Variants in TUBGCP5 observed in about 807,000 individuals in gnomAD.
TUBGCP5 encodes tubulin gamma complex component 5.
Under a neutral mutation model 134.7 loss-of-function variants are expected in TUBGCP5, and 98 were observed. The observed-to-expected ratio is 0.73, with a 90% CI of 0.62 to 0.86. The LOEUF is 0.86. TUBGCP5 is among the 40% of genes least tolerant of loss of function. The pLI is 0.00. For missense variants in TUBGCP5, 1,150 were observed against 1,244.8 expected (o/e 0.92, Z 1.15); for synonymous variants, 456 against 431.4 (o/e 1.06, Z -0.71).
At chr15:23,007,876 C>T (rs1175939336) in intron 16 of TUBGCP5, among the ~76,000 whole-genome samples, 5 of 151,992 alleles carry the variant, frequency 3.3e-5, no homozygotes, top group South Asian at 2.1e-4. Context: ...GGGTCAAGTC[C>T]GTTTTGGTGG....
rs370427870 is a variant in TUBGCP5, at chr15:22,991,721, C to G, written c.*61+5124G>C. ...TCAAGCAAAAAGTTTGAGGATGGGC[C>G]ACCTGGGAAGCACCCATCTCAAAGA... On this transcript the variant is annotated intron_variant and NMD_transcript_variant, in intron 23 of 23. Transcript: ENST00000614508. 3.3e-5 allele frequency among the ~76,000 whole-genome samples: 5 copies of G among 152,148 alleles called. No homozygotes were observed. In the East Asian group the frequency reaches 9.6e-4, roughly 29 times the overall value.
Position 23,006,050 on chromosome 15 carries a change from A to G in TUBGCP5, c.2533+2T>C. ...AATTTATCTGCTGAAAACAAATCTT[A>G]CCACCAAAAAGTAAAACATCCAGAC... On this transcript the variant is annotated splice_donor_variant, in intron 18 of 22. Coordinates refer to ENST00000615383, the MANE Select transcript of TUBGCP5 (RefSeq NM_052903.6). LOFTEE classifies it high-confidence loss of function. The G allele has an allele frequency of 6.3e-7, 1 of 1,590,454 alleles. No homozygotes were observed. The highest frequency in any genetic ancestry group is 8.5e-7 in the Non-Finnish European group (1 of 1,174,178).
rs966727148 is a variant in TUBGCP5, at chr15:23,039,282, C to T, written c.146+116G>A. 7.8e-6 allele frequency: 9 copies of T among 1,160,190 alleles called. No homozygotes were observed. In the African/African-American group the frequency reaches 9.7e-5, roughly 13 times the overall value. 71.9% of individuals were successfully genotyped at this position (1,160,190 alleles called of 1,614,324 possible). On this transcript the variant is annotated intron_variant, in intron 1 of 22. Coordinates refer to ENST00000615383, the MANE Select transcript of TUBGCP5 (RefSeq NM_052903.6). ...AGGGCCTGCGAAGGCTCCCTGAGGC[C>T]GCGCCCGCCTCCGCCCCATGCCCTG... is the stretch of plus-strand genomic sequence containing the variant.
intron 23 of TUBGCP5, among the ~76,000 whole-genome samples, chr15:22,993,108 C>T (rs2140356269): frequency 6.6e-6 from 1 of 152,202 alleles, no homozygotes; most frequent in South Asian, 2.1e-4. Context: ...ATTGGAAACT[C>T]TTTATTTTTG....
At position 23,018,091 on chromosome 15, in the gene TUBGCP5, C is replaced by T. The variant is rs111920301; in HGVS notation, c.1488-50G>A. The T allele has an allele frequency of 6.2e-5, 94 of 1,517,540 alleles. 1 individual carries two copies. The Middle Eastern group carries it at 7.1e-4, about 12-fold the overall frequency. 94.0% of individuals were successfully genotyped at this position (1,517,540 alleles called of 1,614,324 possible). The stretch of plus-strand genomic sequence containing the variant: ...AACTCTTATTTCTCTTTCTTAAAAA[C>T]AGCATACTTGTTCTAGTTTGTTGTC... On this transcript the variant is annotated intron_variant, in intron 12 of 22. Coordinates refer to ENST00000615383, the MANE Select transcript of TUBGCP5 (RefSeq NM_052903.6).
chr15:22,996,158 T>C (rs62009532), downstream of TUBGCP5, among the ~76,000 whole-genome samples: 13,464 of 152,310 alleles, frequency 0.088, 1,046 homozygotes, highest in East Asian at 0.45. Flanking sequence ...GGTAGATACA[T>C]GTTAACCTTT....
At chr15:23,025,689 G>A (rs1273660340) in intron 8 of TUBGCP5, among the ~76,000 whole-genome samples, 1 of 151,922 alleles carries the variant, frequency 6.6e-6, no homozygotes, top group Non-Finnish European at 1.5e-5. Context: ...AAATTAGCCG[G>A]GCTTGGTGGT....
At chr15:23,006,003 G>A (rs766111598) in intron 18 of TUBGCP5, 49 bp downstream of exon 18, 15 of 1,539,500 alleles carry the variant, frequency 9.7e-6, no homozygotes, top group Non-Finnish European at 1.2e-5. Context: ...TTTTATTAAG[G>A]GCTAAAATTA....
At chr15:23,022,406 T>G (rs1459671275) in intron 10 of TUBGCP5, among the ~76,000 whole-genome samples, 3 of 152,304 alleles carry the variant, frequency 2.0e-5, no homozygotes, top group Non-Finnish European at 4.4e-5. Context: ...AAAGGAATGA[T>G]GAGTGATTCT....
At position 23,019,299 on chromosome 15, in the gene TUBGCP5, C is replaced by T. The variant is rs574704644; in HGVS notation, c.1407G>A (p.Val469=). ...CGTCCACCGTCTGCAGGTAAGGCCGCACCGTTTCCACCCAGAGAGAGAAAA... is the reference window on the plus strand; with the variant it reads ...CGTCCACCGTCTGCAGGTAAGGCCGTACCGTTTCCACCCAGAGAGAGAAAA... ...SLLFSLWVET[V]RPYLQTVDEW... The change falls in exon 12 of 23, where the codon GTG becomes GTA. Residue 469 remains valine (V), a synonymous_variant. Transcript: ENST00000615383. 7.5e-5 allele frequency: 121 copies of T among 1,613,908 alleles called. 1 individual carries two copies. Among genetic ancestry groups the T allele is most frequent in the Middle Eastern group, 1.6e-4 (1 of 6,084 alleles).
chr15:22,995,087 T>C (rs566845181), downstream of TUBGCP5, among the ~76,000 whole-genome samples: 1 of 151,928 alleles, frequency 6.6e-6, no homozygotes, highest in African/African-American at 2.4e-5. Flanking sequence ...CTATTAAAAA[T>C]ACAAAAATTA....
chr15:23,017,668 T>A, intron 13 of TUBGCP5, 105 bp downstream of exon 13: 25 of 1,127,400 alleles, frequency 2.2e-5, no homozygotes, highest in South Asian at 9.2e-5. Context: ...AATAAGAGGG[T>A]TTGATGACTT....
chr15:22,983,840 A>AG (rs1319299511), intron 23 of TUBGCP5, among the ~76,000 whole-genome samples: 1 of 152,068 alleles, frequency 6.6e-6, no homozygotes, highest in East Asian at 1.9e-4. Context: ...AACAACCATT[A>AG]GGCCAGGTGC....
At chr15:22,986,147 A>AT (rs1555430355) in intron 23 of TUBGCP5, among the ~76,000 whole-genome samples, 1,783 of 132,794 alleles carry the variant, frequency 0.013, 13 homozygotes, top group South Asian at 0.023. Context: ...AAAAAAAAAA[A>AT]AATAATAATA....
intron 22 of TUBGCP5, among the ~76,000 whole-genome samples, chr15:23,000,120 A>T (rs2064286554): frequency 6.6e-6 from 1 of 152,014 alleles, no homozygotes. Context: ...CATGTAGGCC[A>T]GGCTGGTCTT....
rs531317297 is a variant in TUBGCP5, at chr15:23,000,517, C to A, written c.3028+52G>T. 3 of 1,595,604 alleles carry A rather than the reference C, an allele frequency of 1.9e-6. No homozygotes were observed. The South Asian group carries it at 3.5e-5, about 18-fold the overall frequency. On this transcript the variant is annotated intron_variant, in intron 22 of 22. Coordinates refer to ENST00000615383, the MANE Select transcript of TUBGCP5 (RefSeq NM_052903.6). Reference sequence around the variant, plus strand: ...CAGTAACAAAACAATGACACATACACTTAGTTACAAGGAAATACAGAGGTA... The same window carrying A: ...CAGTAACAAAACAATGACACATACAATTAGTTACAAGGAAATACAGAGGTA...
chr15:23,029,737 A>AG (rs2066193812), intron 6 of TUBGCP5, among the ~76,000 whole-genome samples: 1 of 152,198 alleles, frequency 6.6e-6, no homozygotes, highest in Non-Finnish European at 1.5e-5. Context: ...TACAAAAATT[A>AG]GCTGAGTGTG....
chr15:22,993,126 G>A (rs986142605), intron 23 of TUBGCP5, among the ~76,000 whole-genome samples: 1 of 152,142 alleles, frequency 6.6e-6, no homozygotes, highest in African/African-American at 2.4e-5. Context: ...TTGAGATTGA[G>A]TCTCGCTCTG....
chr15:23,010,142 T>C lies in TUBGCP5; in HGVS notation c.1956-9A>G. On this transcript the variant is annotated splice_polypyrimidine_tract_variant and intron_variant, in intron 14 of 22. Transcript: ENST00000615383. The stretch of plus-strand genomic sequence containing the variant: ...TCTGCTCCAAATACATCCTTCAAGA[T>C]AAAAATGTGAGTCTTCTTTTTATGA... The C allele has an allele frequency of 1.2e-6, 2 of 1,606,608 alleles. No homozygotes were observed. Among genetic ancestry groups the C allele is most frequent in the Non-Finnish European group, 1.7e-6 (2 of 1,174,858 alleles).
Sources: allele counts gnomAD v4.1 joint callset (sites outside exome capture counted in the v4.1 genomes callset), GRCh38; gene constraint gnomAD v4.1.1; transcripts MANE v1.5; gene names NCBI Gene and HGNC (gene_info 2026-07-23, HGNC 2026-07-21).